TNFRSF1B: variants seen among roughly 807,000 people sequenced by gnomAD.
The protein encoded by TNFRSF1B is TNF receptor superfamily member 1B.
In TNFRSF1B, 19 loss-of-function variants were observed where a neutral mutation model predicts 44.6. The observed-to-expected ratio is 0.43, with a 90% CI of 0.30 to 0.62. The LOEUF is 0.62. TNFRSF1B is among the 20% of genes least tolerant of loss of function. The pLI, the probability that TNFRSF1B is intolerant of heterozygous loss-of-function variation, is 0.16. For missense variants in TNFRSF1B, 541 were observed against 619.9 expected, an observed-to-expected ratio of 0.87 and a Z score of 1.35; for synonymous variants, 252 against 261.1, an observed-to-expected ratio of 0.97 and a Z score of 0.34.
intron 9 of TNFRSF1B, among the ~76,000 whole-genome samples, chr1:12,204,917 G>A (rs1309250101): frequency 6.6e-6 from 1 of 152,042 alleles, no homozygotes; most frequent in African/African-American, 2.4e-5. Flanking sequence ...GCTCATGCCT[G>A]TAATCTCAGT....
At chr1:12,185,304 CTTT>C (rs1375307456) in intron 1 of TNFRSF1B, among the ~76,000 whole-genome samples, 1 of 95,340 alleles carries the variant, frequency 1.0e-5, no homozygotes, top group African/African-American at 3.5e-5. Flanking sequence ...GGGAGATTTC[CTTT>C]TTCTTTTTCT....
chr1:12,173,331 C>T (rs1303701242), intron 1 of TNFRSF1B, among the ~76,000 whole-genome samples: 2 of 152,200 alleles, frequency 1.3e-5, no homozygotes, highest in African/African-American at 2.4e-5. Context: ...GGACTCCCCA[C>T]TGTCAATATC....
Position 12,202,179 on chromosome 1 carries a change from G to T in TNFRSF1B, c.1105+8G>T. ...CCAGCACCGGGAGCTCAGGTAAGAGGTGGGAGCACACCTGGCTTCTTCCCA... is the reference window on the plus strand; with the variant it reads ...CCAGCACCGGGAGCTCAGGTAAGAGTTGGGAGCACACCTGGCTTCTTCCCA... On this transcript the variant is annotated splice_region_variant and intron_variant, in intron 9 of 9. Transcript: ENST00000376259. The T allele has an allele frequency of 6.5e-7, 1 of 1,542,600 alleles. No homozygotes were observed.
intron 4 of TNFRSF1B, 45 bp from the exon 5 acceptor site, chr1:12,192,386 C>T (rs779326428): frequency 4.4e-6 from 7 of 1,598,280 alleles, no homozygotes; most frequent in South Asian, 3.3e-5. Context: ...CCAGCTGTCC[C>T]GCAGAGTGTC....
chr1:12,191,940 A>T lies in TNFRSF1B; in HGVS notation c.457+17A>T, dbSNP rs775568440. The T allele has an allele frequency of 7.5e-6, 12 of 1,604,362 alleles. No homozygotes were observed. In the East Asian group the frequency reaches 2.5e-4, roughly 33 times the overall value. ...CCAGACCAGGTACGGGGTGGGGCTC[A>T]GGTCCTTGGGGACGCCCATGGGCCT... On this transcript the variant is annotated intron_variant, in intron 4 of 9. Coordinates refer to ENST00000376259, the MANE Select transcript of TNFRSF1B (RefSeq NM_001066.3).
intron 8 of TNFRSF1B, among the ~76,000 whole-genome samples, chr1:12,196,789 C>T (rs952537686): frequency 3.9e-5 from 6 of 152,164 alleles, no homozygotes; most frequent in African/African-American, 2.4e-5. Flanking sequence ...TGACGGTTGC[C>T]GCCTGGTGGC....
chr1:12,204,999 A>T (rs1639470572), intron 9 of TNFRSF1B, among the ~76,000 whole-genome samples: 1 of 149,794 alleles, frequency 6.7e-6, no homozygotes, highest in African/African-American at 2.5e-5. Flanking sequence ...ACATAGCAAG[A>T]CCCCCGTCTC....
At chr1:12,172,407 G>T (rs1439510879) in intron 1 of TNFRSF1B, among the ~76,000 whole-genome samples, 1 of 152,220 alleles carries the variant, frequency 6.6e-6, no homozygotes, top group Non-Finnish European at 1.5e-5. Context: ...CTAGCCTCAC[G>T]GGCTGGCTGT....
rs1268887560 is a variant in TNFRSF1B, at chr1:12,168,966, A to C, written c.78+1797A>C. On this transcript the variant is annotated intron_variant, in intron 1 of 9. Coordinates refer to ENST00000376259, the MANE Select transcript of TNFRSF1B (RefSeq NM_001066.3). The surrounding 1 kb of genome is among the most constrained non-coding windows in gnomAD (Gnocchi z 4.7). ...TGAACTCTTCCTCGCGCCTCCCTGC[A>C]CATGTGCTCCCCCGCCTCTGTAGAA... is the stretch of plus-strand genomic sequence containing the variant. 6.6e-6 allele frequency among the ~76,000 whole-genome samples: 1 copy of C among 151,288 alleles called. No homozygotes were observed.
chr1:12,185,289 C>T (rs1416835620), intron 1 of TNFRSF1B, among the ~76,000 whole-genome samples: 3 of 151,260 alleles, frequency 2.0e-5, no homozygotes, highest in Non-Finnish European at 3.0e-5. Flanking sequence ...GCGTGAGAAT[C>T]ACTGGGGAGA....
chr1:12,201,293 A>T (rs977459252), intron 8 of TNFRSF1B, among the ~76,000 whole-genome samples: 1 of 150,222 alleles, frequency 6.7e-6, no homozygotes, highest in Non-Finnish European at 1.5e-5. Flanking sequence ...AGTGAAAACC[A>T]TTCTTAGTGG....
At chr1:12,200,540 C>T (rs940037904) in intron 8 of TNFRSF1B, among the ~76,000 whole-genome samples, 1 of 152,194 alleles carries the variant, frequency 6.6e-6, no homozygotes, top group African/African-American at 2.4e-5. Context: ...AGACAGCACA[C>T]ACCCAACTGA....
intron 1 of TNFRSF1B, among the ~76,000 whole-genome samples, chr1:12,179,442 C>T (rs542212715): frequency 1.3e-5 from 2 of 152,318 alleles, no homozygotes; most frequent in South Asian, 2.1e-4. Flanking sequence ...CTAGGGGCCC[C>T]GCGACCCGCC....
Position 12,188,891 on chromosome 1 carries a change from G to C in TNFRSF1B, c.174G>C (p.Ser58=). 6.2e-7 allele frequency: 1 copy of C among 1,612,810 alleles called. No individual in the cohort carries two copies. The highest frequency in any genetic ancestry group is 1.1e-5 in the South Asian group (1 of 90,960). Residue 58 remains serine (S), a synonymous_variant, in exon 2 of 10, where the codon TCG becomes TCC. Coordinates refer to ENST00000376259, the MANE Select transcript of TNFRSF1B (RefSeq NM_001066.3). ...CTCAGATGTGCTGCAGCAAATGCTC[G>C]CCGGGTGAGGGCAGCCACGGGGGCA... is the stretch of plus-strand genomic sequence containing the variant. ...QTAQMCCSKC[S]PGQHAKVFCT...
rs1214404000 is a variant in TNFRSF1B at position 12,209,114 on chromosome 1, C to T, written c.*2094C>T. 1.3e-5 allele frequency: 2 copies of T among 152,372 alleles called. No individual in the cohort carries two copies. Among genetic ancestry groups the T allele is most frequent in the African/African-American group, 4.8e-5 (2 of 41,446 alleles). The allele number at this position is 152,372 out of a possible 1,614,324, so 9.4% of individuals were successfully genotyped here. On this transcript the variant is annotated 3_prime_UTR_variant, in exon 10 of 10. Transcript: ENST00000376259. The stretch of plus-strand genomic sequence containing the variant: ...CCGGGAAGCGATGAATTTGGAGACT[C>T]TGTGGGGCCTTGGTTCCCTTGTGTG...
intron 1 of TNFRSF1B, among the ~76,000 whole-genome samples, chr1:12,185,589 G>T (rs1368837369): frequency 1.3e-5 from 2 of 152,182 alleles, no homozygotes; most frequent in African/African-American, 2.4e-5. Flanking sequence ...TCCAGACGGG[G>T]GTTACTTCTT....
At chr1:12,184,680 C>T (rs1191761356) in intron 1 of TNFRSF1B, among the ~76,000 whole-genome samples, 2 of 152,208 alleles carry the variant, frequency 1.3e-5, no homozygotes, top group African/African-American at 4.8e-5. Flanking sequence ...CCAAACTTGG[C>T]CACGGCAGGG....
At chr1:12,167,193 G>T in intron 1 of TNFRSF1B, 24 bp downstream of exon 1, 1 of 1,252,374 alleles carries the variant, frequency 8.0e-7, no homozygotes, top group South Asian at 2.9e-5. Context: ...GCGGCCCACG[G>T]GGGACAGCCG....
chr1:12,190,940 G>T lies in TNFRSF1B; in HGVS notation c.179-17G>T. On this transcript the variant is annotated splice_polypyrimidine_tract_variant and intron_variant, in intron 2 of 9. Coordinates refer to ENST00000376259, the MANE Select transcript of TNFRSF1B (RefSeq NM_001066.3). ...GAAGGCTCGCCCAGCTGAGACCTCTGGCCCTTGTTTCCTCAGGCCAACATG... is the reference window on the plus strand; with the variant it reads ...GAAGGCTCGCCCAGCTGAGACCTCTTGCCCTTGTTTCCTCAGGCCAACATG... 1 of 1,612,764 alleles carries T rather than the reference G, an allele frequency of 6.2e-7. No individual in the cohort carries two copies.
Sources: gnomAD v4.1 joint callset for allele counts (sites outside exome capture counted in the v4.1 genomes callset) on GRCh38, gnomAD v4.1.1 for gene constraint, Gnocchi (gnomAD v3.1) non-coding constraint, MANE v1.5 for transcripts, NCBI Gene and HGNC (gene_info 2026-07-23, HGNC 2026-07-21) for gene names.